The following ACOXL variants were observed in gnomAD, a reference collection of about 807,000 sequenced individuals.
The protein encoded by ACOXL is acyl-coenzyme A oxidase-like protein.
Under a neutral mutation model 71.9 loss-of-function variants are expected in ACOXL, and 70 were observed. That is an observed-to-expected ratio of 0.97 (90% CI 0.80 to 1.19). The LOEUF (loss-of-function observed/expected upper bound fraction) is 1.19, where lower values mean the gene tolerates loss of function less well. Ranked by LOEUF, ACOXL falls within the 50% of genes most tolerant of loss-of-function variation. ACOXL has a pLI of 0.00. For synonymous variants in ACOXL, 253 were observed against 281.6 expected, an observed-to-expected ratio of 0.90 and a Z score of 1.02; for missense variants, 703 against 736.3, an observed-to-expected ratio of 0.95 and a Z score of 0.52.
intron 9 of ACOXL, among the ~76,000 whole-genome samples, chr2:110,817,824 G>A (rs1688088654): frequency 1.3e-5 from 2 of 152,120 alleles, no homozygotes; most frequent in Non-Finnish European, 2.9e-5. Flanking sequence ...TTGTGAGAAT[G>A]ATGTCACAGT....
At chr2:110,985,900 G>A (rs947906201) in intron 12 of ACOXL, among the ~76,000 whole-genome samples, 2 of 152,134 alleles carry the variant, frequency 1.3e-5, no homozygotes, top group Admixed American at 1.3e-4. Flanking sequence ...AGCTTCCCCA[G>A]GCAAAAATGC....
At chr2:110,899,883 G>A (rs1038364181) in intron 10 of ACOXL, among the ~76,000 whole-genome samples, 20 of 152,046 alleles carry the variant, frequency 1.3e-4, no homozygotes, top group Admixed American at 4.6e-4. Flanking sequence ...TCCTCTCTAG[G>A]GTCGGCTGAT....
intron 3 of ACOXL, among the ~76,000 whole-genome samples, chr2:110,791,066 G>A (rs959759756): frequency 1.3e-5 from 2 of 152,248 alleles, no homozygotes; most frequent in Non-Finnish European, 1.5e-5. Context: ...CTGAAAGCAT[G>A]TCAGGCCAGG....
intron 9 of ACOXL, among the ~76,000 whole-genome samples, chr2:110,807,929 C>T (rs187986061): frequency 1.1e-4 from 16 of 152,304 alleles, no homozygotes; most frequent in East Asian, 1.9e-4. Flanking sequence ...CAAGGCTGAG[C>T]GTGCCCGGTC....
At chr2:110,954,665 G>A (rs3789116) in intron 12 of ACOXL, among the ~76,000 whole-genome samples, 34,998 of 152,028 alleles carry the variant, frequency 0.23, 4,578 homozygotes, top group Middle Eastern at 0.29. Context: ...TGTGTTTTCT[G>A]ATCCCACAAA....
At chr2:110,919,255 A>G (rs1315760408) in intron 11 of ACOXL, among the ~76,000 whole-genome samples, 1 of 152,190 alleles carries the variant, frequency 6.6e-6, no homozygotes, top group Non-Finnish European at 1.5e-5. Flanking sequence ...TGTCCTTTGC[A>G]GGGACATGGA....
At chr2:111,074,316 A>C (rs984468667) in intron 16 of ACOXL, among the ~76,000 whole-genome samples, 4 of 151,942 alleles carry the variant, frequency 2.6e-5, no homozygotes, top group Non-Finnish European at 5.9e-5. Flanking sequence ...AGTGATGAGA[A>C]TTGACATCCT....
intron 10 of ACOXL, among the ~76,000 whole-genome samples, chr2:110,906,193 C>T (rs796868070): frequency 1.3e-5 from 2 of 152,020 alleles, no homozygotes; most frequent in Admixed American, 1.3e-4. Flanking sequence ...CTTATGGTGG[C>T]CAAGACAAAG....
chr2:110,783,755 A>C (rs1237301227), intron 2 of ACOXL, among the ~76,000 whole-genome samples: 1 of 152,228 alleles, frequency 6.6e-6, no homozygotes, highest in Non-Finnish European at 1.5e-5. Flanking sequence ...AACAAGCACC[A>C]GTTTTTTTGG....
chr2:110,813,938 C>T (rs1434363343), intron 9 of ACOXL, among the ~76,000 whole-genome samples: 2 of 152,140 alleles, frequency 1.3e-5, no homozygotes, highest in Non-Finnish European at 2.9e-5. Context: ...ACAGTTTGCC[C>T]AGAGCTTTCT....
At chr2:111,108,369 A>ATTTTTTTTT (rs1173842815) in intron 17 of ACOXL, among the ~76,000 whole-genome samples, 4 of 62,074 alleles carry the variant, frequency 6.4e-5, no homozygotes, top group Non-Finnish European at 9.9e-5. Context: ...AAGTGCATGA[A>ATTTTTTTTT]TCTTTTTTTT....
intron 16 of ACOXL, among the ~76,000 whole-genome samples, chr2:111,057,217 G>A (rs979878933): frequency 3.9e-5 from 6 of 152,262 alleles, no homozygotes; most frequent in Middle Eastern, 3.4e-3. Flanking sequence ...TGGTGGTGTC[G>A]ATGTGACACG....
At chr2:111,113,479 G>T (rs1299596229) in intron 17 of ACOXL, among the ~76,000 whole-genome samples, 1 of 152,212 alleles carries the variant, frequency 6.6e-6, no homozygotes. Context: ...GCTGGAGATA[G>T]AGCAGACTAA....
chr2:110,874,886 T>G lies in ACOXL; in HGVS notation c.788+33481T>G, dbSNP rs192346156. On this transcript the variant is annotated intron_variant, in intron 10 of 17. Transcript: ENST00000439055. ...AGGAATCTGCCTTTTATGAAACACG[T>G]GCTTCAGGCCCCAGAGCCCTGAACT... is the stretch of plus-strand genomic sequence containing the variant. Among the ~76,000 whole-genome samples, 447 of 152,272 alleles carry G rather than the reference T, an allele frequency of 2.9e-3. 14 individuals are homozygous for G. Among genetic ancestry groups the G allele is most frequent in the Admixed American group, 0.028 (425 of 15,302 alleles).
intron 12 of ACOXL, among the ~76,000 whole-genome samples, chr2:110,935,906 C>T (rs2060646704): frequency 6.6e-6 from 1 of 152,130 alleles, no homozygotes; most frequent in African/African-American, 2.4e-5. Flanking sequence ...ACTGTTCTGC[C>T]TCAGATCCTC....
At chr2:110,928,838 C>T (rs181692805) in intron 11 of ACOXL, among the ~76,000 whole-genome samples, 25 of 152,254 alleles carry the variant, frequency 1.6e-4, no homozygotes, top group East Asian at 9.6e-4. Context: ...TGAGATCTGA[C>T]GGTTTTATAA....
At chr2:111,084,546 T>A (rs1193984474) in intron 16 of ACOXL, among the ~76,000 whole-genome samples, 1 of 152,210 alleles carries the variant, frequency 6.6e-6, no homozygotes, top group Non-Finnish European at 1.5e-5. Context: ...TCTCCTATTA[T>A]GTTCCCATCT....
intron 9 of ACOXL, among the ~76,000 whole-genome samples, chr2:110,827,743 T>C (rs1255503231): frequency 6.6e-6 from 1 of 151,968 alleles, no homozygotes; most frequent in African/African-American, 2.4e-5. Flanking sequence ...AGGAAGGTGG[T>C]TGGGCATGGG....
chr2:110,744,600 A>G (rs906738610), intron 1 of ACOXL, among the ~76,000 whole-genome samples: 1 of 152,132 alleles, frequency 6.6e-6, no homozygotes, highest in African/African-American at 2.4e-5. Flanking sequence ...ACAGTTGACC[A>G]GTCACTTCAC....
Sources: gnomAD v4.1 joint callset for allele counts (sites outside exome capture counted in the v4.1 genomes callset) on GRCh38, gnomAD v4.1.1 for gene constraint, MANE v1.5 for transcripts, NCBI Gene and HGNC (gene_info 2026-07-23, HGNC 2026-07-21) for gene names.